Variants in NAA16 observed in about 807,000 individuals in gnomAD.
NAA16 encodes N-alpha-acetyltransferase 16, NatA auxiliary subunit, also known as NARG1-like protein.
A neutral mutation model predicts 110.3 loss-of-function variants in NAA16; 97 were observed. The observed-to-expected ratio is 0.88, with a 90% CI of 0.75 to 1.04. The LOEUF is 1.04. Among genes scored for constraint, NAA16 ranks in the 50% least tolerant of loss-of-function variants. NAA16 has a pLI of 0.00. For synonymous variants in NAA16, 372 were observed against 330.6 expected (o/e 1.13, Z -1.36); for missense variants, 1,017 against 1,005.1 (o/e 1.01, Z -0.16).
At chr13:41,331,975 G>C (rs1030575354) in intron 8 of NAA16, among the ~76,000 whole-genome samples, 1 of 152,008 alleles carries the variant, frequency 6.6e-6, no homozygotes, top group East Asian at 1.9e-4. Flanking sequence ...AAAAAGCACC[G>C]TATTTAGAAG....
rs373167697 is a variant in NAA16 at position 41,321,084 on chromosome 13, G to C, written c.402+260G>C. On this transcript the variant is annotated intron_variant, in intron 4 of 19. Coordinates refer to ENST00000379406, the MANE Select transcript of NAA16 (RefSeq NM_024561.5). ...GGAGGTTGAGATGGGAGGATCGCTTGAGGCTGGGAGTTAGAAACCAGCCTG... is the reference window on the plus strand; with the variant it reads ...GGAGGTTGAGATGGGAGGATCGCTTCAGGCTGGGAGTTAGAAACCAGCCTG... Among the ~76,000 whole-genome samples the C allele has an allele frequency of 2.7e-4, 41 of 152,306 alleles. No individual in the cohort carries two copies. In the East Asian group the frequency reaches 4.8e-3, roughly 18 times the overall value.
At chr13:41,372,379 T>G (rs1209218302) in intron 16 of NAA16, 68 bp downstream of exon 16, 1 of 1,459,962 alleles carries the variant, frequency 6.8e-7, no homozygotes, top group African/African-American at 1.5e-5. Context: ...GTGTAATCTT[T>G]GTCAGATCTA....
At chr13:41,342,786 C>A (rs1026153386) in intron 9 of NAA16, among the ~76,000 whole-genome samples, 1 of 152,174 alleles carries the variant, frequency 6.6e-6, no homozygotes, top group Admixed American at 6.5e-5. Context: ...TGGTACACAA[C>A]TAATGTGTGT....
At position 41,342,262 on chromosome 13, in the gene NAA16, C is replaced by T. The variant is rs557703691; in HGVS notation, c.1014+5506C>T. 1.3e-4 allele frequency among the ~76,000 whole-genome samples: 20 copies of T among 152,148 alleles called. No individual in the cohort carries two copies. In the South Asian group the frequency reaches 1.5e-3, roughly 11 times the overall value. The stretch of plus-strand genomic sequence containing the variant: ...AAGCGAGCCTCCTGCCTCAGCCTCC[C>T]GAGTAGCTGGGACTACAGGCGCACA... On this transcript the variant is annotated intron_variant, in intron 9 of 19. Coordinates refer to ENST00000379406, the MANE Select transcript of NAA16 (RefSeq NM_024561.5).
At chr13:41,374,196 T>C (rs978449603) in intron 18 of NAA16, among the ~76,000 whole-genome samples, 1 of 151,856 alleles carries the variant, frequency 6.6e-6, no homozygotes, top group Non-Finnish European at 1.5e-5. Context: ...GGCTGGAGTA[T>C]GTTTTTTCTT....
At chr13:41,350,881 C>T (rs1416770816) in intron 9 of NAA16, among the ~76,000 whole-genome samples, 1 of 152,010 alleles carries the variant, frequency 6.6e-6, no homozygotes, top group Non-Finnish European at 1.5e-5. Context: ...TGCCTCAGCC[C>T]CCGAAAGTGC....
At chr13:41,351,198 A>C (rs2042826648) in intron 9 of NAA16, among the ~76,000 whole-genome samples, 1 of 152,194 alleles carries the variant, frequency 6.6e-6, no homozygotes, top group African/African-American at 2.4e-5. Context: ...TGTGTGTTTT[A>C]ATTAAATAAT....
intron 19 of NAA16, 96 bp downstream of exon 19, chr13:41,374,935 C>A: frequency 1.4e-6 from 1 of 710,012 alleles, no homozygotes; most frequent in Non-Finnish European, 2.4e-6. Context: ...CAGAATTATG[C>A]CTGGATGTTA....
intron 9 of NAA16, among the ~76,000 whole-genome samples, chr13:41,352,385 T>C (rs2042859435): frequency 6.6e-6 from 1 of 152,072 alleles, no homozygotes; most frequent in East Asian, 1.9e-4. Context: ...CTTGGCACAG[T>C]GGCTCATGCC....
chr13:41,330,905 C>T (rs531497084), intron 7 of NAA16, among the ~76,000 whole-genome samples: 2 of 152,088 alleles, frequency 1.3e-5, no homozygotes, highest in South Asian at 2.1e-4. Flanking sequence ...AGCGTGTTTA[C>T]GTAGGTTATG....
chr13:41,353,480 A>G (rs942833052), intron 9 of NAA16, among the ~76,000 whole-genome samples: 44 of 152,038 alleles, frequency 2.9e-4, no homozygotes, highest in Non-Finnish European at 6.0e-4. Flanking sequence ...AACAGACTGT[A>G]CAGGCCAGGC....
At chr13:41,322,326 A>G (rs560772036) in intron 4 of NAA16, among the ~76,000 whole-genome samples, 1 of 152,272 alleles carries the variant, frequency 6.6e-6, no homozygotes, top group East Asian at 1.9e-4. Flanking sequence ...TGTTGGCAGC[A>G]TGGGAGCTGT....
chr13:41,361,660 A>C (rs1161241536), intron 12 of NAA16, among the ~76,000 whole-genome samples: 1 of 152,240 alleles, frequency 6.6e-6, no homozygotes, highest in Non-Finnish European at 1.5e-5. Context: ...ACAGTTAGGT[A>C]GCAGACAGTG....
intron 9 of NAA16, 149 bp from the exon 10 acceptor site, chr13:41,354,995 G>C (rs1449128183): frequency 1.1e-5 from 5 of 468,994 alleles, no homozygotes. Flanking sequence ...CTCATGTTAG[G>C]AATGGGGACA....
intron 8 of NAA16, among the ~76,000 whole-genome samples, chr13:41,331,870 A>T (rs1301460301): frequency 6.6e-6 from 1 of 152,170 alleles, no homozygotes; most frequent in Non-Finnish European, 1.5e-5. Flanking sequence ...TGATCGTTAC[A>T]CGTTCTCTGT....
chr13:41,327,855 C>T lies in NAA16; in HGVS notation c.692-869C>T, dbSNP rs1476537691. On this transcript the variant is annotated intron_variant, in intron 6 of 19. Transcript: ENST00000379406. ...TTAGTGGTGGAGTTGGTAATTATTCCTAGTTCAGTCTTATTCTAGAGTTTG... is the reference window on the plus strand; with the variant it reads ...TTAGTGGTGGAGTTGGTAATTATTCTTAGTTCAGTCTTATTCTAGAGTTTG... 4 of 151,636 alleles carry T rather than the reference C, an allele frequency of 2.6e-5. No individual in the cohort carries two copies. In the South Asian group the frequency reaches 6.2e-4, roughly 24 times the overall value. 9.4% of individuals were successfully genotyped at this position (151,636 alleles called of 1,614,324 possible).
chr13:41,364,264 G>T (rs2043167775), intron 13 of NAA16, among the ~76,000 whole-genome samples: 1 of 152,108 alleles, frequency 6.6e-6, no homozygotes, highest in Admixed American at 6.5e-5. Flanking sequence ...ATTCTGCTTT[G>T]AAGAAGTCAT....
At chr13:41,366,082 TA>T (rs74840182) in intron 13 of NAA16, among the ~76,000 whole-genome samples, 132 of 151,610 alleles carry the variant, frequency 8.7e-4, no homozygotes, top group Non-Finnish European at 1.2e-3. Context: ...TCCTTTGATT[TA>T]AAAAAAAAGT....
At chr13:41,370,178 A>T (rs2043288210) in intron 15 of NAA16, among the ~76,000 whole-genome samples, 1 of 152,240 alleles carries the variant, frequency 6.6e-6, no homozygotes, top group South Asian at 2.1e-4. Flanking sequence ...TTGAGGGTCC[A>T]GCAAAGGATG....
Sources: allele counts gnomAD v4.1 joint callset (sites outside exome capture counted in the v4.1 genomes callset), GRCh38; gene constraint gnomAD v4.1.1; transcripts MANE v1.5; gene names NCBI Gene and HGNC (gene_info 2026-07-23, HGNC 2026-07-21).